The following POFUT3 variants were observed in gnomAD, a reference collection of about 807,000 sequenced individuals.
POFUT3 encodes the protein GDP-fucose protein O-fucosyltransferase 3.
the POFUT3 span, among the ~76,000 whole-genome samples, chr8:33,379,594 T>TTGGG: frequency 6.6e-6 from 1 of 151,786 alleles, no homozygotes; most frequent in East Asian, 1.9e-4. Flanking sequence ...TCTCAGCACT[T>TTGGG]TGGGAGGCTG....
At chr8:33,344,022 A>C in the POFUT3 span, among the ~76,000 whole-genome samples, 5 of 152,108 alleles carry the variant, frequency 3.3e-5, no homozygotes, top group Non-Finnish European at 5.9e-5. Context: ...GAATTCCCAG[A>C]GTCTTTTCAG....
chr8:33,406,643 A>T, the POFUT3 span, among the ~76,000 whole-genome samples: 1 of 151,832 alleles, frequency 6.6e-6, no homozygotes, highest in Non-Finnish European at 1.5e-5. Flanking sequence ...CATGTTGCCC[A>T]GGCTGGTTTT....
At chr8:33,398,094 G>A in the POFUT3 span, among the ~76,000 whole-genome samples, 3 of 152,324 alleles carry the variant, frequency 2.0e-5, no homozygotes, top group East Asian at 3.9e-4. Context: ...TGGCCATGGT[G>A]GGAGAAAGGA....
chr8:33,375,833 ATGG>A, the POFUT3 span, among the ~76,000 whole-genome samples: 1 of 152,076 alleles, frequency 6.6e-6, no homozygotes, highest in Non-Finnish European at 1.5e-5. Context: ...CCTGGCCAAC[ATGG>A]TGAAACCCTG....
chr8:33,426,368 G>A, the POFUT3 span, among the ~76,000 whole-genome samples: 141 of 152,268 alleles, frequency 9.3e-4, 1 homozygote, highest in African/African-American at 3.0e-3. Flanking sequence ...TTAGAAAAGT[G>A]TTGACCATAA....
the POFUT3 span, among the ~76,000 whole-genome samples, chr8:33,385,938 A>G: frequency 6.6e-6 from 1 of 151,246 alleles, no homozygotes; most frequent in East Asian, 2.0e-4. Context: ...CTGTAATCCC[A>G]GAGCTTTGGG....
chr8:33,356,290 A>G, the POFUT3 span, among the ~76,000 whole-genome samples: 5 of 152,200 alleles, frequency 3.3e-5, no homozygotes. Flanking sequence ...TCCCACCAAC[A>G]GTGTAAAAGT....
the POFUT3 span, among the ~76,000 whole-genome samples, chr8:33,422,646 A>T: frequency 6.6e-6 from 1 of 150,442 alleles, no homozygotes. Context: ...TTGATCTTAT[A>T]CTCAATTTGC....
the POFUT3 span, among the ~76,000 whole-genome samples, chr8:33,338,698 C>T: frequency 6.6e-6 from 1 of 152,140 alleles, no homozygotes; most frequent in Non-Finnish European, 1.5e-5. Context: ...AGACACTGCC[C>T]ATCAGTAGTG....
At chr8:33,422,222 G>A in the POFUT3 span, among the ~76,000 whole-genome samples, 3 of 150,592 alleles carry the variant, frequency 2.0e-5, no homozygotes, top group African/African-American at 4.9e-5. Flanking sequence ...GAGGAAGTGC[G>A]CCTTGTTTCC....
the POFUT3 span, among the ~76,000 whole-genome samples, chr8:33,433,826 G>A: frequency 6.6e-6 from 1 of 151,762 alleles, no homozygotes; most frequent in Non-Finnish European, 1.5e-5. Flanking sequence ...AAATTAACTA[G>A]GCATGGTGGT....
chr8:33,333,062 T>C, the POFUT3 span, among the ~76,000 whole-genome samples: 2 of 152,206 alleles, frequency 1.3e-5, no homozygotes, highest in Non-Finnish European at 2.9e-5. Context: ...TTTCCATCTA[T>C]TGGTGGGCAA....
chr8:33,384,327 A>G, the POFUT3 span, among the ~76,000 whole-genome samples: 1 of 152,234 alleles, frequency 6.6e-6, no homozygotes, highest in African/African-American at 2.4e-5. Context: ...ACAATGATCA[A>G]TGCTAAAGCT....
At chr8:33,376,972 C>T in the POFUT3 span, among the ~76,000 whole-genome samples, 1 of 152,190 alleles carries the variant, frequency 6.6e-6, no homozygotes, top group Non-Finnish European at 1.5e-5. Flanking sequence ...CACATTGGCT[C>T]ACACCTGTAA....
chr8:33,461,173 G>A, the POFUT3 span, among the ~76,000 whole-genome samples: 81 of 40,822 alleles, frequency 2.0e-3, no homozygotes, highest in African/African-American at 8.8e-3. Context: ...GTACTGTGTC[G>A]GAAGGAAGGA....
the POFUT3 span, among the ~76,000 whole-genome samples, chr8:33,329,272 T>C: frequency 6.6e-6 from 1 of 152,226 alleles, no homozygotes; most frequent in African/African-American, 2.4e-5. Flanking sequence ...GTATTGCTAT[T>C]GATTGGGCAT....
chr8:33,310,664 C>G, the POFUT3 span, among the ~76,000 whole-genome samples: 5 of 146,798 alleles, frequency 3.4e-5, no homozygotes, highest in Non-Finnish European at 5.9e-5. Context: ...GCACTCCAGC[C>G]TGGGTGACAG....
chr8:33,407,143 T>C, the POFUT3 span, among the ~76,000 whole-genome samples: 3 of 152,188 alleles, frequency 2.0e-5, no homozygotes, highest in African/African-American at 4.8e-5. Context: ...TGTGGCACAG[T>C]AAAATGCCAG....
At chr8:33,384,657 T>C in the POFUT3 span, among the ~76,000 whole-genome samples, 1 of 151,900 alleles carries the variant, frequency 6.6e-6, no homozygotes, top group Non-Finnish European at 1.5e-5. Context: ...CCGTCTCTAC[T>C]AAAAATATAA....
Sources: gnomAD v4.1 joint callset for allele counts (sites outside exome capture counted in the v4.1 genomes callset) on GRCh38, gnomAD v4.1.1 for gene constraint, MANE v1.5 for transcripts, NCBI Gene and HGNC (gene_info 2026-07-23, HGNC 2026-07-21) for gene names.